Variants in ERG observed in about 807,000 individuals in gnomAD.
ERG encodes transcriptional regulator ERG.
In ERG, 9 loss-of-function variants were observed where a neutral mutation model predicts 55.3. The observed-to-expected ratio is 0.16, with a 90% confidence interval of 0.10 to 0.28. ERG has a LOEUF of 0.28. ERG is among the 10% of genes least tolerant of loss of function. The probability of loss-of-function intolerance (pLI) is 1.00; values close to 1 mark genes in which losing one functional copy is unlikely to be tolerated. For missense variants in ERG, 434 were observed against 631.6 expected (o/e 0.69, Z 3.35); for synonymous variants, 223 against 237.3 (o/e 0.94, Z 0.55).
chr21:38,429,387 GTA>G (rs1990012141), intron 2 of ERG, among the ~76,000 whole-genome samples: 1 of 54,824 alleles, frequency 1.8e-5, no homozygotes, highest in Non-Finnish European at 5.1e-5. Context: ...ACATATATAT[GTA>G]CACATATACA....
chr21:38,510,134 C>A (rs1363806821), intron 2 of ERG, among the ~76,000 whole-genome samples: 2 of 152,204 alleles, frequency 1.3e-5, no homozygotes, highest in African/African-American at 2.4e-5. Flanking sequence ...AAACCACAGT[C>A]CTGAGTGGGA....
At chr21:38,518,357 T>G (rs2059569030) in intron 2 of ERG, among the ~76,000 whole-genome samples, 1 of 152,070 alleles carries the variant, frequency 6.6e-6, no homozygotes, top group Non-Finnish European at 1.5e-5. Flanking sequence ...CCTGCTCTAC[T>G]AAACATTTTT....
rs1044769641 is a variant in ERG at position 38,476,744 on chromosome 21, C to G, written c.18+21619G>C. ...CTAAACAACCAGATTTGAAATTCCACGTAAACGGCCTCTTTCTGCAGATGT... is the reference window on the plus strand; with the variant it reads ...CTAAACAACCAGATTTGAAATTCCAGGTAAACGGCCTCTTTCTGCAGATGT... On this transcript the variant is annotated intron_variant, in intron 1 of 9. Coordinates refer to ENST00000288319, the MANE Select transcript of ERG (RefSeq NM_182918.4). 2.0e-5 allele frequency among the ~76,000 whole-genome samples: 3 copies of G among 152,168 alleles called. No homozygotes were observed. The South Asian group carries it at 6.2e-4, about 32-fold the overall frequency.
downstream of ERG, among the ~76,000 whole-genome samples, chr21:38,379,015 A>G (rs1401113312): frequency 6.6e-6 from 1 of 152,186 alleles, no homozygotes; most frequent in Non-Finnish European, 1.5e-5. Context: ...AAAAGCTGCT[A>G]TTCTACATCT....
At position 38,432,889 on chromosome 21, in the gene ERG, T is replaced by C. The variant is rs141920708; in HGVS notation, c.237-9328A>G. 1.3e-3 allele frequency among the ~76,000 whole-genome samples: 204 copies of C among 152,232 alleles called. 2 individuals are homozygous for C. The highest frequency in any genetic ancestry group is 4.6e-3 in the African/African-American group (190 of 41,530). The stretch of plus-strand genomic sequence containing the variant: ...AGTCTTTCATAGACCTAAAGCACCA[T>C]TGAATGGATCCTCAGAAAACTTAAT... On this transcript the variant is annotated intron_variant, in intron 2 of 9. Coordinates refer to ENST00000288319, the MANE Select transcript of ERG (RefSeq NM_182918.4).
upstream of ERG, among the ~76,000 whole-genome samples, chr21:38,501,427 T>G (rs1243242514): frequency 6.6e-6 from 1 of 152,102 alleles, no homozygotes; most frequent in Non-Finnish European, 1.5e-5. Context: ...TATTATCCTA[T>G]GGGGAAATTA....
intron 1 of ERG, among the ~76,000 whole-genome samples, chr21:38,457,840 C>T (rs747527714): frequency 5.9e-5 from 9 of 152,208 alleles, no homozygotes; most frequent in Non-Finnish European, 2.9e-5. Context: ...CTCATCCAAC[C>T]TGCACAGTAA....
At position 38,498,250 on chromosome 21, in the gene ERG, T is replaced by C. The variant is rs1386717840; in HGVS notation, c.18+113A>G. 1.1e-6 allele frequency: 1 copy of C among 870,404 alleles called. No homozygotes were observed. Among genetic ancestry groups the C allele is most frequent in the Non-Finnish European group, 1.9e-6 (1 of 522,212 alleles). The allele number at this position is 870,404 out of a possible 1,614,324, so 53.9% of individuals were successfully genotyped here. A position where few individuals can be genotyped will look rare whatever the true frequency, so the allele number is the denominator to read the frequency against. ...GCAAAGGAAATCTTGTTGTCCTCTATTGTGGCAGTGGGGGTGTTGCCCAAC... is the reference window on the plus strand; with the variant it reads ...GCAAAGGAAATCTTGTTGTCCTCTACTGTGGCAGTGGGGGTGTTGCCCAAC... On this transcript the variant is annotated intron_variant, in intron 1 of 9. Transcript: ENST00000288319. The surrounding 1 kb of genome is among the most constrained non-coding windows in gnomAD (Gnocchi z 4.6).
chr21:38,639,773 G>T (rs934588323), intron 1 of ERG, among the ~76,000 whole-genome samples: 1 of 152,176 alleles, frequency 6.6e-6, no homozygotes, highest in Non-Finnish European at 1.5e-5. Flanking sequence ...TTTCCAAATC[G>T]TGAGGGAAAT....
chr21:38,445,392 A>G lies in ERG; in HGVS notation c.236+12T>C. On this transcript the variant is annotated intron_variant, in intron 2 of 9. Transcript: ENST00000288319. ...GGAGGTCAGGGAGAGAAAGGGGCGG[A>G]AGTCTCCTTACCTTGAGCCATTCAC... is the stretch of plus-strand genomic sequence containing the variant. The G allele has an allele frequency of 6.2e-7, 1 of 1,605,688 alleles. No individual in the cohort carries two copies. The highest frequency in any genetic ancestry group is 8.5e-7 in the Non-Finnish European group (1 of 1,172,636).
chr21:38,547,887 G>A (rs1433833002), intron 2 of ERG, among the ~76,000 whole-genome samples: 1 of 151,198 alleles, frequency 6.6e-6, no homozygotes, highest in South Asian at 2.1e-4. Flanking sequence ...TTAATACTTA[G>A]GGTCTAACCA....
intron 1 of ERG, among the ~76,000 whole-genome samples, chr21:38,660,089 G>T (rs1211754657): frequency 2.0e-5 from 3 of 152,208 alleles, no homozygotes; most frequent in Admixed American, 6.5e-5. Context: ...GTGTTGCGGG[G>T]TGTGCGGGAA....
At chr21:38,526,311 A>G (rs2059630115) in intron 2 of ERG, among the ~76,000 whole-genome samples, 2 of 152,212 alleles carry the variant, frequency 1.3e-5, no homozygotes, top group Admixed American at 1.3e-4. Flanking sequence ...TCTCTCCCCT[A>G]AGTAGTCCGT....
At chr21:38,454,009 A>C (rs1489480285) in intron 1 of ERG, among the ~76,000 whole-genome samples, 1 of 152,038 alleles carries the variant, frequency 6.6e-6, no homozygotes, top group African/African-American at 2.4e-5. Flanking sequence ...TTTACATTGG[A>C]ATGGGTGCAA....
At chr21:38,393,764 G>A (rs947791136) in intron 6 of ERG, among the ~76,000 whole-genome samples, 1 of 152,126 alleles carries the variant, frequency 6.6e-6, no homozygotes, top group African/African-American at 2.4e-5. Flanking sequence ...TGGTCTGTTT[G>A]GCTGCAAGCA....
upstream of ERG, chr21:38,661,737 C>G (rs764482): frequency 0.5 from 76,396 of 151,884 alleles, 19,840 homozygotes; most frequent in Middle Eastern, 0.58. Context: ...ACCTGTCCCG[C>G]AGCGATCTCT....
At chr21:38,376,143 T>C (rs923206164), downstream of ERG, among the ~76,000 whole-genome samples, 17 of 152,214 alleles carry the variant, frequency 1.1e-4, no homozygotes, top group Non-Finnish European at 2.4e-4. Context: ...AGTGTTGGTT[T>C]AAAATCCAGT....
chr21:38,636,611 G>A (rs1315529569), intron 1 of ERG, among the ~76,000 whole-genome samples: 1 of 152,200 alleles, frequency 6.6e-6, no homozygotes, highest in Non-Finnish European at 1.5e-5. Flanking sequence ...CCGGAGGGAA[G>A]CTTTTTCTCA....
At position 38,432,855 on chromosome 21, in the gene ERG, C is replaced by T. The variant is rs984443734; in HGVS notation, c.237-9294G>A. Among the ~76,000 whole-genome samples the T allele has an allele frequency of 4.6e-5, 7 of 152,270 alleles. No individual in the cohort carries two copies. The East Asian group carries it at 5.8e-4, about 13-fold the overall frequency. ...ACTCTATGCCCTTGCTTGGTAAATCCGTGTGAGGAGTCTTTCATAGACCTA... is the reference window on the plus strand; with the variant it reads ...ACTCTATGCCCTTGCTTGGTAAATCTGTGTGAGGAGTCTTTCATAGACCTA... On this transcript the variant is annotated intron_variant, in intron 2 of 9. Transcript: ENST00000288319.
Sources: allele counts gnomAD v4.1 joint callset (sites outside exome capture counted in the v4.1 genomes callset), GRCh38; gene constraint gnomAD v4.1.1; non-coding constraint Gnocchi (gnomAD v3.1); transcripts MANE v1.5; gene names NCBI Gene and HGNC (gene_info 2026-07-23, HGNC 2026-07-21).